The following PPIH variants were observed in gnomAD, a reference collection of about 807,000 sequenced individuals.
PPIH encodes the protein peptidylprolyl isomerase H, also known as peptidyl-prolyl cis-trans isomerase H.
PPIH carries 16 observed loss-of-function variants against 27.6 expected under a neutral mutation model. The ratio of observed to expected loss-of-function variants is 0.58; its 90% CI spans 0.39 to 0.88. The LOEUF (loss-of-function observed/expected upper bound fraction) is 0.88. Ranked by LOEUF, PPIH falls within the 40% of genes least tolerant of loss-of-function variation. The pLI is 0.00. For missense variants in PPIH, 155 were observed against 224.1 expected, an observed-to-expected ratio of 0.69 and a Z score of 1.97; for synonymous variants, 63 against 76.1, an observed-to-expected ratio of 0.83 and a Z score of 0.90.
Position 42,666,596 on chromosome 1 carries a change from T to G in PPIH, c.465+9T>G, listed in dbSNP as rs1649351288. On this transcript the variant is annotated intron_variant, in intron 8 of 9. Coordinates refer to ENST00000304979, the MANE Select transcript of PPIH (RefSeq NM_006347.4). ...TGATGAGAAAGATTGAGGTAAGTAC[T>G]GCTTTGATTTTTCTGTTTCTCTGCC... The G allele has an allele frequency of 6.2e-7, 1 of 1,612,990 alleles. No individual in the cohort carries two copies. Among genetic ancestry groups the G allele is most frequent in the Non-Finnish European group, 8.5e-7 (1 of 1,179,178 alleles).
chr1:42,664,015 G>A (rs756261766), intron 5 of PPIH, among the ~76,000 whole-genome samples: 4 of 152,290 alleles, frequency 2.6e-5, no homozygotes, highest in Middle Eastern at 3.4e-3. Context: ...TTCCTCACAT[G>A]AAAAATGGGG....
downstream of PPIH, among the ~76,000 whole-genome samples, chr1:42,677,669 C>CA (rs911371901): frequency 2.0e-5 from 3 of 152,070 alleles, no homozygotes; most frequent in South Asian, 2.1e-4. Flanking sequence ...ACAACAGCAA[C>CA]AAAAAAATTA....
intron 9 of PPIH, among the ~76,000 whole-genome samples, chr1:42,667,669 T>C (rs577294362): frequency 2.7e-4 from 41 of 152,350 alleles, no homozygotes; most frequent in African/African-American, 9.9e-4. Flanking sequence ...GAAAGGGTTG[T>C]AGGAGCACTT....
At chr1:42,666,815 G>A (rs756627502) in intron 8 of PPIH, among the ~76,000 whole-genome samples, 4 of 152,126 alleles carry the variant, frequency 2.6e-5, no homozygotes, top group African/African-American at 7.2e-5. Context: ...TCAGCATTGC[G>A]TTCAAGGTCC....
intron 5 of PPIH, among the ~76,000 whole-genome samples, chr1:42,662,740 A>T (rs1222750814): frequency 6.6e-6 from 1 of 152,252 alleles, no homozygotes; most frequent in Non-Finnish European, 1.5e-5. Context: ...AGAAGAAAAT[A>T]AATCACCAAA....
At position 42,658,497 on chromosome 1, in the gene PPIH, C is replaced by G. The variant is rs1490835160; in HGVS notation, c.51C>G (p.Val17=). The part of the protein sequence containing the change: ...SPVNPVVFFD[V]SIGGQEVGRM... ...TTAACCCCGTGGTGTTCTTTGATGT[C>G]AGTATTGGCGGTCAGGTGAGATCCA... Residue 17 remains valine (V), a synonymous_variant, in exon 1 of 10, where the codon GTC becomes GTG. Coordinates refer to ENST00000304979, the MANE Select transcript of PPIH (RefSeq NM_006347.4). 6.2e-7 allele frequency: 1 copy of G among 1,613,988 alleles called. No homozygotes were observed. Among genetic ancestry groups the G allele is most frequent in the Non-Finnish European group, 8.5e-7 (1 of 1,179,946 alleles).
downstream of PPIH, among the ~76,000 whole-genome samples, chr1:42,680,183 A>G (rs1649983376): frequency 6.6e-6 from 1 of 152,090 alleles, no homozygotes; most frequent in South Asian, 2.1e-4. Context: ...TTTATGTAAT[A>G]CTCCAAACGT....
chr1:42,672,274 C>A (rs965610036), intron 9 of PPIH, among the ~76,000 whole-genome samples: 4 of 152,044 alleles, frequency 2.6e-5, no homozygotes, highest in Non-Finnish European at 1.5e-5. Flanking sequence ...TGGATGGGGA[C>A]TGAGATTTTG....
At chr1:42,680,187 CA>C (rs992809427), downstream of PPIH, among the ~76,000 whole-genome samples, 22 of 152,228 alleles carry the variant, frequency 1.4e-4, no homozygotes, top group African/African-American at 5.1e-4. Flanking sequence ...TGTAATACTC[CA>C]AACGTAACAG....
intron 9 of PPIH, among the ~76,000 whole-genome samples, chr1:42,669,772 A>T (rs955302340): frequency 6.6e-6 from 1 of 152,190 alleles, no homozygotes; most frequent in Admixed American, 6.5e-5. Flanking sequence ...TAAGGTCTTT[A>T]CTACCTCAGA....
chr1:42,678,740 A>G (rs1476579347), downstream of PPIH: 1 of 152,242 alleles, frequency 6.6e-6, no homozygotes, highest in Non-Finnish European at 1.5e-5. Context: ...TGTGTCCCCA[A>G]CACCTGGAAG....
In PPIH at chr1:42,658,455, G is replaced by A; in HGVS notation, c.9G>A (p.Val3=). ...GCTTCCGGGTCGGAGCCATGGCGGT[G>A]GCAAATTCAAGTCCTGTTAACCCCG... is the stretch of plus-strand genomic sequence containing the variant. MA[V]ANSSPVNPVV... The change falls in exon 1 of 10, where the codon GTG becomes GTA. Residue 3 remains valine (V), a synonymous_variant. Coordinates refer to ENST00000304979, the MANE Select transcript of PPIH (RefSeq NM_006347.4). 1 of 1,614,072 alleles carries A rather than the reference G, an allele frequency of 6.2e-7. No individual in the cohort carries two copies. Among genetic ancestry groups the A allele is most frequent in the Non-Finnish European group, 8.5e-7 (1 of 1,179,938 alleles).
At chr1:42,663,007 G>C (rs567455201) in intron 5 of PPIH, among the ~76,000 whole-genome samples, 9 of 152,294 alleles carry the variant, frequency 5.9e-5, no homozygotes, top group African/African-American at 1.7e-4. Context: ...TATAGTTGAA[G>C]ATAAGTTGCT....
chr1:42,676,484 A>C (rs988565114), intron 9 of PPIH, 100 bp from the exon 10 acceptor site: 3 of 151,812 alleles, frequency 2.0e-5, no homozygotes, highest in Non-Finnish European at 2.9e-5. Context: ...AAAAAAGAGA[A>C]TAGCTGGGAG....
At position 42,666,594 on chromosome 1, in the gene PPIH, A is replaced by T; in HGVS notation, c.465+7A>T. 6.2e-7 allele frequency: 1 copy of T among 1,613,372 alleles called. No homozygotes were observed. Among genetic ancestry groups the T allele is most frequent in the Non-Finnish European group, 8.5e-7 (1 of 1,179,382 alleles). On this transcript the variant is annotated splice_region_variant and intron_variant, in intron 8 of 9. Coordinates refer to ENST00000304979, the MANE Select transcript of PPIH (RefSeq NM_006347.4). ...AGTGATGAGAAAGATTGAGGTAAGT[A>T]CTGCTTTGATTTTTCTGTTTCTCTG...
intron 9 of PPIH, among the ~76,000 whole-genome samples, chr1:42,672,110 C>T (rs895799941): frequency 6.6e-6 from 1 of 152,064 alleles, no homozygotes. Context: ...GTCTCAAACT[C>T]CTGACCTCAT....
chr1:42,666,068 G>C lies in PPIH; in HGVS notation c.424+1G>C. 1 of 1,613,806 alleles carries C rather than the reference G, an allele frequency of 6.2e-7. No individual in the cohort carries two copies. Among genetic ancestry groups the C allele is most frequent in the Non-Finnish European group, 8.5e-7 (1 of 1,179,722 alleles). On this transcript the variant is annotated splice_donor_variant, in intron 7 of 9. Coordinates refer to ENST00000304979, the MANE Select transcript of PPIH (RefSeq NM_006347.4). LOFTEE classifies it high-confidence loss of function. ...CTGGATGGGAAGCATGTGGTGTTTG[G>C]TAAGTCCTACTCCTGTCTCATGGTC...
In PPIH at chr1:42,659,218, T is replaced by C; in HGVS notation, c.132-10T>C. On this transcript the variant is annotated splice_polypyrimidine_tract_variant and intron_variant, in intron 2 of 9. Coordinates refer to ENST00000304979, the MANE Select transcript of PPIH (RefSeq NM_006347.4). ...TAGTGATTGAATCATTCATTTTTTG[T>C]CCCTTTCAGGCAGTTCTGCACCGGA... 1 of 1,614,054 alleles carries C rather than the reference T, an allele frequency of 6.2e-7. No homozygotes were observed. The highest frequency in any genetic ancestry group is 8.5e-7 in the Non-Finnish European group (1 of 1,179,990).
downstream of PPIH, among the ~76,000 whole-genome samples, chr1:42,677,915 G>T (rs1649936336): frequency 6.6e-6 from 1 of 152,208 alleles, no homozygotes; most frequent in African/African-American, 2.4e-5. Context: ...CTTCTGTCTT[G>T]TGGATGGGGA....
Sources: allele counts gnomAD v4.1 joint callset (sites outside exome capture counted in the v4.1 genomes callset), GRCh38; gene constraint gnomAD v4.1.1; transcripts MANE v1.5; gene names NCBI Gene and HGNC (gene_info 2026-07-23, HGNC 2026-07-21).